LGI2: variants seen among roughly 807,000 people sequenced by gnomAD.
LGI2 encodes the protein leucine rich repeat LGI family member 2, also known as leucine-rich repeat LGI family member 2.
A neutral mutation model predicts 52.0 loss-of-function variants in LGI2; 30 were observed. The ratio of observed to expected loss-of-function variants is 0.58; its 90% CI spans 0.43 to 0.78. LGI2 has a LOEUF of 0.78. Ranked by LOEUF, LGI2 falls within the 30% of genes least tolerant of loss-of-function variation. The pLI is 0.00. For synonymous variants in LGI2, 270 were observed against 271.8 expected, an observed-to-expected ratio of 0.99 and a Z score of 0.06; for missense variants, 573 against 692.5, an observed-to-expected ratio of 0.83 and a Z score of 1.94.
intron 7 of LGI2, among the ~76,000 whole-genome samples, chr4:25,011,008 G>C (rs1261670354): frequency 6.6e-6 from 1 of 151,872 alleles, no homozygotes; most frequent in East Asian, 1.9e-4. Context: ...CTTGAGCCCA[G>C]GAGTTCCAGG....
Position 25,018,160 on chromosome 4 carries a change from T to G in LGI2, c.486-2A>C. The G allele has an allele frequency of 6.3e-7, 1 of 1,583,256 alleles. No homozygotes were observed. Among genetic ancestry groups the G allele is most frequent in the East Asian group, 2.3e-5 (1 of 44,254 alleles). On this transcript the variant is annotated splice_acceptor_variant, in intron 5 of 7. Transcript: ENST00000382114. LOFTEE classifies it high-confidence loss of function. The stretch of plus-strand genomic sequence containing the variant: ...TCAAATTTATTACCCCTCAAATCTC[T>G]AAAAATCAAAATAAAACACAAACAC...
intron 4 of LGI2, 27 bp from the exon 5 acceptor site, chr4:25,019,265 GT>G (rs1725871692): frequency 6.7e-7 from 1 of 1,489,494 alleles, no homozygotes; most frequent in African/African-American, 1.4e-5. Flanking sequence ...ACATTGCAAT[GT>G]GATTATTATC....
downstream of LGI2, among the ~76,000 whole-genome samples, chr4:24,997,642 G>A (rs1725118087): frequency 6.6e-6 from 1 of 152,180 alleles, no homozygotes. Flanking sequence ...CTTATGGTTA[G>A]TATCGATTCT....
chr4:25,030,888 C>A lies in LGI2; in HGVS notation c.-195G>T, dbSNP rs1019485307. On this transcript the variant is annotated 5_prime_UTR_variant, in exon 1 of 8. Coordinates refer to ENST00000382114, the MANE Select transcript of LGI2 (RefSeq NM_018176.4). ...GGCCGCCACCCCCACTCGGCGCCCC[C>A]CCACCCGAGCCCGGGCTGCTGGGCG... is the stretch of plus-strand genomic sequence containing the variant. 4.9e-4 allele frequency: 86 copies of A among 175,514 alleles called. 1 individual carries two copies. Among genetic ancestry groups the A allele is most frequent in the South Asian group, 1.7e-3 (9 of 5,260 alleles). 10.9% of individuals were successfully genotyped at this position (175,514 alleles called of 1,614,324 possible).
chr4:25,009,112 T>C (rs1577548745), intron 7 of LGI2, among the ~76,000 whole-genome samples: 1 of 152,326 alleles, frequency 6.6e-6, no homozygotes, highest in Admixed American at 6.5e-5. Flanking sequence ...TGCATCCTCC[T>C]GCCTCTGCAC....
intron 6 of LGI2, among the ~76,000 whole-genome samples, chr4:25,015,708 C>A (rs1374601521): frequency 6.6e-6 from 1 of 151,998 alleles, no homozygotes; most frequent in African/African-American, 2.4e-5. Flanking sequence ...GTTCCCCCGA[C>A]CCCACGCCCC....
intron 6 of LGI2, among the ~76,000 whole-genome samples, chr4:25,016,825 G>A (rs1175762433): frequency 6.6e-6 from 1 of 152,190 alleles, no homozygotes; most frequent in Non-Finnish European, 1.5e-5. Context: ...CATTCCTGCT[G>A]CTTCTCCTGA....
intron 7 of LGI2, among the ~76,000 whole-genome samples, chr4:25,008,702 A>C (rs928431249): frequency 6.6e-6 from 1 of 152,224 alleles, no homozygotes; most frequent in Admixed American, 6.5e-5. Context: ...GGCCGTGGCC[A>C]CCAGCTAGTA....
intron 6 of LGI2, among the ~76,000 whole-genome samples, chr4:25,017,297 A>C (rs1405344769): frequency 6.6e-6 from 1 of 152,148 alleles, no homozygotes; most frequent in African/African-American, 2.4e-5. Flanking sequence ...TAATCCCAGC[A>C]CTTTGGGAGG....
rs766256924 is a variant in LGI2, at chr4:24,999,264, C to G, written c.*4187G>C. The G allele has an allele frequency of 6.6e-6, 1 of 152,378 alleles. No individual in the cohort carries two copies. Among genetic ancestry groups the G allele is most frequent in the Non-Finnish European group, 1.5e-5 (1 of 68,200 alleles). 9.4% of individuals were successfully genotyped at this position (152,378 alleles called of 1,614,324 possible). On this transcript the variant is annotated 3_prime_UTR_variant, in exon 8 of 8. Coordinates refer to ENST00000382114, the MANE Select transcript of LGI2 (RefSeq NM_018176.4). ...ATTTGAATGAGCATTACAGTTGGCTCTCTTCATTAATAATTGAGATGTTGT... is the reference window on the plus strand; with the variant it reads ...ATTTGAATGAGCATTACAGTTGGCTGTCTTCATTAATAATTGAGATGTTGT...
At position 25,024,331 on chromosome 4, in the gene LGI2, T is replaced by G. The variant is rs117463572; in HGVS notation, c.413+489A>C. 6.8e-3 allele frequency among the ~76,000 whole-genome samples: 1,033 copies of G among 152,248 alleles called. 31 individuals carry two copies. The highest frequency in any genetic ancestry group is 0.06 in the East Asian group (309 of 5,174). On this transcript the variant is annotated intron_variant, in intron 4 of 7. Coordinates refer to ENST00000382114, the MANE Select transcript of LGI2 (RefSeq NM_018176.4). ...GAGTTCGAGACCAGCCTGGCCAACA[T>G]AGTGAGGCCCCGTCTCTACTAAAAA...
chr4:24,996,900 G>T (rs542743471), downstream of LGI2, among the ~76,000 whole-genome samples: 22 of 152,338 alleles, frequency 1.4e-4, no homozygotes, highest in Non-Finnish European at 2.9e-4. Context: ...GCAGGAGCAT[G>T]CTCTTTGGGG....
At chr4:24,994,414 G>A (rs1345529877), downstream of LGI2, among the ~76,000 whole-genome samples, 7 of 152,184 alleles carry the variant, frequency 4.6e-5, no homozygotes, top group African/African-American at 1.4e-4. Flanking sequence ...TACTCCTGAT[G>A]TTTCCTTCCC....
the LGI2 span, among the ~76,000 whole-genome samples, chr4:24,992,426 G>C: frequency 6.6e-6 from 1 of 152,030 alleles, no homozygotes; most frequent in East Asian, 1.9e-4. Context: ...AAAAGGCTGG[G>C]CTTAGAGCCA....
chr4:25,012,415 G>A lies in LGI2; in HGVS notation c.740C>T (p.Ala247Val), dbSNP rs747421131. ...CATGCAGTTCTCCATGCTGGGCTGC[G>A]CGATGGCCACGTACACATCGTTCTT... ...NSKNDVYVAI[A>V]QPSMENCMVL... The change falls in exon 7 of 8, where the codon GCG (alanine) becomes GTG (valine). Residue 247 changes from alanine (A) to valine (V), a missense_variant. Physicochemically the swap from Ala to Val is moderately conservative, Grantham distance 64 (BLOSUM62 0). Transcript: ENST00000382114. 3.1e-6 allele frequency: 5 copies of A among 1,614,116 alleles called. No individual in the cohort carries two copies. The highest frequency in any genetic ancestry group is 1.3e-5 in the African/African-American group (1 of 74,940).
intron 4 of LGI2, among the ~76,000 whole-genome samples, chr4:25,020,437 T>C (rs1383527561): frequency 2.6e-5 from 4 of 152,176 alleles, no homozygotes; most frequent in Non-Finnish European, 5.9e-5. Flanking sequence ...CGTGGAGTGT[T>C]GAAATGATGT....
chr4:25,005,753 C>G (rs1725376521), intron 7 of LGI2, among the ~76,000 whole-genome samples: 1 of 152,006 alleles, frequency 6.6e-6, no homozygotes. Context: ...CTTTTGATTT[C>G]CAGAGCTAAA....
Position 24,999,723 on chromosome 4 carries a change from C to A in LGI2, c.*3728G>T. 2.3e-6 allele frequency: 1 copy of A among 440,530 alleles called. No individual in the cohort carries two copies. The highest frequency in any genetic ancestry group is 2.4e-5 in the Admixed American group (1 of 41,394). 27.3% of individuals were successfully genotyped at this position (440,530 alleles called of 1,614,324 possible). On this transcript the variant is annotated 3_prime_UTR_variant, in exon 8 of 8. Coordinates refer to ENST00000382114, the MANE Select transcript of LGI2 (RefSeq NM_018176.4). ...ATCATGAGCACTCCTGACCGCCAAA[C>A]CTCTGGCATCCCATGCTGATTTCTT...
intron 4 of LGI2, among the ~76,000 whole-genome samples, chr4:25,021,632 C>T (rs1480163708): frequency 6.6e-6 from 1 of 152,058 alleles, no homozygotes; most frequent in African/African-American, 2.4e-5. Flanking sequence ...CTAGAGGAGT[C>T]AACTTTAAAA....
Sources: allele counts gnomAD v4.1 joint callset (sites outside exome capture counted in the v4.1 genomes callset), GRCh38; gene constraint gnomAD v4.1.1; transcripts MANE v1.5; gene names NCBI Gene and HGNC (gene_info 2026-07-23, HGNC 2026-07-21).